Variants in EDIL3 observed in about 807,000 individuals in gnomAD.
The protein encoded by EDIL3 is EGF-like repeat and discoidin I-like domain-containing protein 3.
In EDIL3, 37 loss-of-function variants were observed where a neutral mutation model predicts 67.4. The ratio of observed to expected loss-of-function variants is 0.55; its 90% CI spans 0.42 to 0.72. EDIL3 has a LOEUF of 0.72. Among genes scored for constraint, EDIL3 ranks in the 30% least tolerant of loss-of-function variants. The probability of loss-of-function intolerance (pLI) is 0.00; values close to 1 mark genes in which losing one functional copy is unlikely to be tolerated. For synonymous variants in EDIL3, 195 were observed against 196.3 expected (o/e 0.99, Z 0.05); for missense variants, 527 against 586.3 (o/e 0.90, Z 1.04).
At chr5:84,141,971 C>CTATCTATG (rs1554070014) in intron 4 of EDIL3, among the ~76,000 whole-genome samples, 1 of 143,188 alleles carries the variant, frequency 7.0e-6, no homozygotes, top group Non-Finnish European at 1.5e-5. Context: ...ATCTATCTAT[C>CTATCTATG]TATCTATCTA....
chr5:84,212,148 C>T (rs914498337), intron 3 of EDIL3, among the ~76,000 whole-genome samples: 1 of 152,036 alleles, frequency 6.6e-6, no homozygotes, highest in African/African-American at 2.4e-5. Flanking sequence ...GGTATTGATC[C>T]CTCATTCTGT....
chr5:84,141,271 A>G (rs563806924), intron 4 of EDIL3, among the ~76,000 whole-genome samples: 39 of 151,124 alleles, frequency 2.6e-4, no homozygotes, highest in African/African-American at 6.5e-4. Flanking sequence ...GTCTTGCTTC[A>G]TAAAACAGCT....
chr5:84,248,654 T>C (rs1003392040), intron 2 of EDIL3, among the ~76,000 whole-genome samples: 5 of 152,192 alleles, frequency 3.3e-5, no homozygotes, highest in African/African-American at 9.7e-5. Context: ...AATACTGAAC[T>C]CTCCTTCTGC....
chr5:84,252,481 G>C (rs1745041746), intron 2 of EDIL3, among the ~76,000 whole-genome samples: 1 of 28,832 alleles, frequency 3.5e-5, no homozygotes, highest in African/African-American at 2.0e-4. Context: ...GCGACAAAGT[G>C]AGACTCCGTC....
chr5:84,059,076 A>G (rs1746497222), intron 9 of EDIL3, among the ~76,000 whole-genome samples: 1 of 152,068 alleles, frequency 6.6e-6, no homozygotes, highest in Admixed American at 6.6e-5. Flanking sequence ...ACTTGTGAGT[A>G]TAAGAAAAAG....
At chr5:84,311,858 G>C (rs1746396142) in intron 1 of EDIL3, among the ~76,000 whole-genome samples, 1 of 152,164 alleles carries the variant, frequency 6.6e-6, no homozygotes, top group African/African-American at 2.4e-5. Context: ...ACATGTTTCA[G>C]AGAGCACAGG....
chr5:84,137,409 T>C, intron 4 of EDIL3, 55 bp from the exon 5 acceptor site: 2 of 1,486,224 alleles, frequency 1.3e-6, no homozygotes, highest in Non-Finnish European at 1.9e-6. Context: ...AATGATTAGA[T>C]ATTGGAAAGT....
chr5:83,966,801 T>C (rs984694943), intron 9 of EDIL3, among the ~76,000 whole-genome samples: 3 of 152,106 alleles, frequency 2.0e-5, no homozygotes, highest in Non-Finnish European at 4.4e-5. Flanking sequence ...ATCATGAAAT[T>C]AAGAAATCTG....
At chr5:84,043,398 G>A (rs962608389) in intron 9 of EDIL3, among the ~76,000 whole-genome samples, 1 of 152,158 alleles carries the variant, frequency 6.6e-6, no homozygotes, top group Non-Finnish European at 1.5e-5. Context: ...GGTTTACACA[G>A]ATATGAACAA....
chr5:84,307,830 A>C (rs2112138201), intron 1 of EDIL3, among the ~76,000 whole-genome samples: 1 of 152,284 alleles, frequency 6.6e-6, no homozygotes, highest in African/African-American at 2.4e-5. Context: ...AGAGCAATGA[A>C]AAAATTGAGA....
intron 10 of EDIL3, among the ~76,000 whole-genome samples, chr5:83,949,626 A>G (rs994922934): frequency 6.6e-6 from 1 of 151,844 alleles, no homozygotes; most frequent in African/African-American, 2.4e-5. Flanking sequence ...ATTGCTGACC[A>G]TCATATCTTT....
intron 3 of EDIL3, among the ~76,000 whole-genome samples, chr5:84,224,963 A>G (rs189409453): frequency 2.0e-5 from 3 of 151,712 alleles, no homozygotes; most frequent in East Asian, 3.9e-4. Context: ...ATCTTAAAAT[A>G]TAACTCAGCT....
intron 1 of EDIL3, among the ~76,000 whole-genome samples, chr5:84,381,381 C>G (rs543467499): frequency 6.6e-6 from 1 of 152,032 alleles, no homozygotes; most frequent in East Asian, 1.9e-4. Context: ...TACCTTGACT[C>G]TGAAGTTAGC....
chr5:84,219,344 A>T (rs1192476101), intron 3 of EDIL3, among the ~76,000 whole-genome samples: 1 of 152,236 alleles, frequency 6.6e-6, no homozygotes, highest in East Asian at 1.9e-4. Flanking sequence ...AAGGAAATTT[A>T]AAAAATTCTT....
Position 84,081,151 on chromosome 5 carries a change from G to A in EDIL3, c.652-14545C>T, listed in dbSNP as rs190451620. Among the ~76,000 whole-genome samples the A allele has an allele frequency of 4.6e-5, 7 of 152,202 alleles. No homozygotes were observed. The South Asian group carries it at 8.3e-4, about 18-fold the overall frequency. ...AAAGCTGTTGGCATTTCCAGGAGTC[G>A]GGGCCAGGTATAACCATTTCATCTG... On this transcript the variant is annotated intron_variant, in intron 6 of 10. Transcript: ENST00000296591.
intron 2 of EDIL3, among the ~76,000 whole-genome samples, chr5:84,242,579 C>T (rs1329629200): frequency 6.6e-6 from 1 of 151,922 alleles, no homozygotes; most frequent in African/African-American, 2.4e-5. Flanking sequence ...GGGCGGATTG[C>T]TTGAGCCCAG....
At chr5:84,240,831 T>C (rs550863174) in intron 2 of EDIL3, among the ~76,000 whole-genome samples, 62 of 152,236 alleles carry the variant, frequency 4.1e-4, no homozygotes, top group African/African-American at 1.4e-3. Context: ...CCACTAATGC[T>C]AATTCTTCTA....
intron 1 of EDIL3, among the ~76,000 whole-genome samples, chr5:84,381,782 C>T (rs1748080250): frequency 6.6e-6 from 1 of 152,168 alleles, no homozygotes; most frequent in Non-Finnish European, 1.5e-5. Context: ...TAGAGCAACC[C>T]ATACCGTGAA....
chr5:84,062,973 T>C (rs1413249291), intron 8 of EDIL3, among the ~76,000 whole-genome samples: 1 of 152,112 alleles, frequency 6.6e-6, no homozygotes, highest in Non-Finnish European at 1.5e-5. Context: ...TCTAGTTTTT[T>C]AAAGCATCCA....
Sources: allele counts gnomAD v4.1 joint callset (sites outside exome capture counted in the v4.1 genomes callset), GRCh38; gene constraint gnomAD v4.1.1; transcripts MANE v1.5; gene names NCBI Gene and HGNC (gene_info 2026-07-23, HGNC 2026-07-21).